The following RBFOX1 variants were observed in gnomAD, a reference collection of about 807,000 sequenced individuals.
RBFOX1 encodes the protein RNA binding fox-1 homolog 1, also known as RNA binding protein fox-1 homolog 1.
RBFOX1 carries 8 observed loss-of-function variants against 57.7 expected under a neutral mutation model. The observed-to-expected ratio is 0.14, with a 90% confidence interval of 0.08 to 0.25. The LOEUF is 0.25. Among genes scored for constraint, RBFOX1 ranks in the 10% least tolerant of loss-of-function variants. The probability of loss-of-function intolerance (pLI) is 1.00; values close to 1 mark genes in which losing one functional copy is unlikely to be tolerated. For missense variants in RBFOX1, 611 were observed against 548.5 expected, an observed-to-expected ratio of 1.11 and a Z score of -1.14; for synonymous variants, 326 against 222.4, an observed-to-expected ratio of 1.47 and a Z score of -4.15.
chr16:6,906,242 C>CG (rs2069885088), intron 3 of RBFOX1, among the ~76,000 whole-genome samples: 1 of 151,752 alleles, frequency 6.6e-6, no homozygotes, highest in African/African-American at 2.4e-5. Context: ...ATTTATTACC[C>CG]CCCCCCAAAA....
chr16:5,466,777 C>T (rs1199656130), intron 1 of RBFOX1, among the ~76,000 whole-genome samples: 1 of 152,186 alleles, frequency 6.6e-6, no homozygotes, highest in Admixed American at 6.5e-5. Flanking sequence ...GTCCCTGCCC[C>T]AGGGAGTGTG....
chr16:5,321,970 C>T (rs942613797), intron 1 of RBFOX1, among the ~76,000 whole-genome samples: 5 of 152,112 alleles, frequency 3.3e-5, no homozygotes, highest in African/African-American at 4.8e-5. Flanking sequence ...GACTCCCTCT[C>T]GTCTCACCTT....
chr16:7,124,695 C>A (rs1472102388), intron 4 of RBFOX1, among the ~76,000 whole-genome samples: 1 of 151,738 alleles, frequency 6.6e-6, no homozygotes, highest in South Asian at 2.1e-4. Context: ...CGAAAATCTC[C>A]CCACATACAC....
At chr16:6,236,712 A>G (rs2097507558) in intron 1 of RBFOX1, among the ~76,000 whole-genome samples, 1 of 152,128 alleles carries the variant, frequency 6.6e-6, no homozygotes, top group South Asian at 2.1e-4. Context: ...CAGACTCCTA[A>G]AGTGCTGGGA....
chr16:5,804,896 C>T (rs971599680), intron 3 of RBFOX1, among the ~76,000 whole-genome samples: 23 of 152,170 alleles, frequency 1.5e-4, no homozygotes, highest in South Asian at 4.1e-4. Flanking sequence ...GGGGAATTGA[C>T]GGCTCTTGAG....
chr16:7,227,654 G>A (rs74715110), intron 4 of RBFOX1, among the ~76,000 whole-genome samples: 2 of 152,098 alleles, frequency 1.3e-5, no homozygotes, highest in Non-Finnish European at 2.9e-5. Flanking sequence ...AGATGGGGGT[G>A]GGGGATTTGA....
rs528942904 is a variant in RBFOX1 at position 5,525,489 on chromosome 16, C to G, written c.258+58235C>G. Among the ~76,000 whole-genome samples, 187 of 99,464 alleles carry G rather than the reference C, an allele frequency of 1.9e-3. 2 individuals carry two copies. The highest frequency in any genetic ancestry group is 7.6e-3 in the African/African-American group (179 of 23,708). 65.3% of individuals were successfully genotyped at this position (99,464 alleles called of 152,430 possible). A position where few individuals can be genotyped will look rare whatever the true frequency, so the allele number is the denominator to read the frequency against. Reference sequence around the variant, plus strand: ...AGATAGGCTGGCTCTAGAGCCGACACTATTTTTTTTTTTTTTTTTTTTTTT... The same window carrying G: ...AGATAGGCTGGCTCTAGAGCCGACAGTATTTTTTTTTTTTTTTTTTTTTTT... On this transcript the variant is annotated intron_variant, in intron 2 of 2. Transcript: ENST00000585867.
intron 3 of RBFOX1, among the ~76,000 whole-genome samples, chr16:6,985,727 A>G (rs536072942): frequency 1.3e-5 from 2 of 151,142 alleles, no homozygotes; most frequent in African/African-American, 2.4e-5. Context: ...TCAGCTACTC[A>G]AGAGGCTGAG....
At position 5,492,352 on chromosome 16, in the gene RBFOX1, G is replaced by A. The variant is rs11863518; in HGVS notation, c.258+25098G>A. ...TAGTACTTCCTGCACGCCAGGTCCT[G>A]TGCTCCATGGTACCCAGCTTAGGTG... On this transcript the variant is annotated intron_variant, in intron 2 of 2. Transcript: ENST00000585867. 2.0e-3 allele frequency among the ~76,000 whole-genome samples: 302 copies of A among 152,312 alleles called. 1 individual carries two copies. The highest frequency in any genetic ancestry group is 6.8e-3 in the African/African-American group (284 of 41,546).
intron 3 of RBFOX1, among the ~76,000 whole-genome samples, chr16:7,031,157 T>G (rs1228610410): frequency 6.6e-6 from 1 of 152,158 alleles, no homozygotes; most frequent in Admixed American, 6.5e-5. Context: ...GGCTACAGCT[T>G]TGCATGTAGA....
intron 4 of RBFOX1, among the ~76,000 whole-genome samples, chr16:7,249,398 C>G (rs972196358): frequency 6.6e-6 from 1 of 152,098 alleles, no homozygotes; most frequent in Non-Finnish European, 1.5e-5. Flanking sequence ...CTGGGGACAT[C>G]ACTAGACTTC....
intron 1 of RBFOX1, among the ~76,000 whole-genome samples, chr16:5,414,959 T>C (rs749028405): frequency 5.3e-5 from 8 of 152,170 alleles, no homozygotes; most frequent in Non-Finnish European, 1.0e-4. Context: ...GAGGCTTTTG[T>C]GCTTTTTCAT....
chr16:6,005,314 T>C (rs546864283), intron 4 of RBFOX1, among the ~76,000 whole-genome samples: 44 of 152,346 alleles, frequency 2.9e-4, no homozygotes, highest in Non-Finnish European at 5.6e-4. Flanking sequence ...TAATGTTTCA[T>C]AAGCCCATCT....
intron 14 of RBFOX1, among the ~76,000 whole-genome samples, chr16:7,700,136 T>G (rs2080184166): frequency 6.6e-6 from 1 of 152,134 alleles, no homozygotes; most frequent in Non-Finnish European, 1.5e-5. Flanking sequence ...CATAAGACTT[T>G]GGATCATCAA....
intron 3 of RBFOX1, among the ~76,000 whole-genome samples, chr16:5,820,739 C>G (rs1597378839): frequency 6.6e-6 from 1 of 152,184 alleles, no homozygotes; most frequent in Admixed American, 6.5e-5. Flanking sequence ...CACCGTTCCC[C>G]CGTCTGTCTC....
At chr16:5,699,897 G>T (rs974238519) in intron 3 of RBFOX1, among the ~76,000 whole-genome samples, 2 of 152,080 alleles carry the variant, frequency 1.3e-5, no homozygotes, top group African/African-American at 2.4e-5. Context: ...GCAGTGGTGC[G>T]ATCTCGGCTC....
At chr16:5,900,352 A>G (rs2058276886) in intron 4 of RBFOX1, among the ~76,000 whole-genome samples, 1 of 152,194 alleles carries the variant, frequency 6.6e-6, no homozygotes, top group East Asian at 1.9e-4. Flanking sequence ...AGGAGAGAAT[A>G]GCGTGTGTTT....
At chr16:6,148,949 G>A (rs547863049) in intron 1 of RBFOX1, among the ~76,000 whole-genome samples, 1 of 152,012 alleles carries the variant, frequency 6.6e-6, no homozygotes, top group East Asian at 1.9e-4. Flanking sequence ...AAATTCCAAG[G>A]CTCACAACGT....
intron 4 of RBFOX1, among the ~76,000 whole-genome samples, chr16:7,457,984 C>G (rs1390404110): frequency 6.6e-6 from 1 of 152,152 alleles, no homozygotes; most frequent in Non-Finnish European, 1.5e-5. Flanking sequence ...AGGCTACATT[C>G]CACAGTTCCT....
Sources: allele counts gnomAD v4.1 joint callset (sites outside exome capture counted in the v4.1 genomes callset), GRCh38; gene constraint gnomAD v4.1.1; transcripts MANE v1.5; gene names NCBI Gene and HGNC (gene_info 2026-07-23, HGNC 2026-07-21).